The following RASGRF2 variants were observed in gnomAD, a reference collection of about 807,000 sequenced individuals.
RASGRF2 encodes Ras protein specific guanine nucleotide releasing factor 2.
RASGRF2 carries 76 observed loss-of-function variants against 151.0 expected under a neutral mutation model. The observed-to-expected ratio is 0.50, with a 90% CI of 0.42 to 0.61. The LOEUF (loss-of-function observed/expected upper bound fraction) is 0.61. RASGRF2 is among the 20% of genes least tolerant of loss of function. The pLI is 0.00. For synonymous variants in RASGRF2, 504 were observed against 566.5 expected (o/e 0.89, Z 1.57); for missense variants, 1,148 against 1,564.6 (o/e 0.73, Z 4.49).
At chr5:81,158,365 T>C (rs955498727) in intron 17 of RASGRF2, among the ~76,000 whole-genome samples, 1 of 152,030 alleles carries the variant, frequency 6.6e-6, no homozygotes, top group Non-Finnish European at 1.5e-5. Context: ...ATAAGAAACA[T>C]AGGAGAAATT....
chr5:80,971,798 G>A (rs1018805944), intron 1 of RASGRF2, among the ~76,000 whole-genome samples: 7 of 151,978 alleles, frequency 4.6e-5, no homozygotes, highest in African/African-American at 1.7e-4. Flanking sequence ...TCAACCGCCT[G>A]GGCTCAAGCA....
chr5:81,001,696 C>A (rs151121048), intron 1 of RASGRF2, among the ~76,000 whole-genome samples: 1 of 152,188 alleles, frequency 6.6e-6, no homozygotes, highest in Non-Finnish European at 1.5e-5. Flanking sequence ...CCAGAGCAAC[C>A]TTTTCGAGAC....
At chr5:81,120,183 A>T (rs1753267774) in intron 15 of RASGRF2, among the ~76,000 whole-genome samples, 1 of 152,134 alleles carries the variant, frequency 6.6e-6, no homozygotes, top group African/African-American at 2.4e-5. Context: ...CCCTTTCTAT[A>T]GCTGTCCTCT....
chr5:81,059,631 G>C (rs1434134641), intron 2 of RASGRF2, among the ~76,000 whole-genome samples: 1 of 151,942 alleles, frequency 6.6e-6, no homozygotes, highest in Non-Finnish European at 1.5e-5. Flanking sequence ...TGAATCACGA[G>C]GTCATGAGTT....
chr5:81,011,980 T>C (rs774835281), intron 1 of RASGRF2, among the ~76,000 whole-genome samples: 2 of 152,204 alleles, frequency 1.3e-5, no homozygotes, highest in Non-Finnish European at 2.9e-5. Context: ...ATGCAGAAGC[T>C]CTACAACGTT....
At chr5:81,059,219 TA>T (rs1446808331) in intron 2 of RASGRF2, among the ~76,000 whole-genome samples, 3 of 150,994 alleles carry the variant, frequency 2.0e-5, no homozygotes, top group Non-Finnish European at 3.0e-5. Context: ...CCCTCTCTAC[TA>T]AAAAATACAA....
intron 18 of RASGRF2, among the ~76,000 whole-genome samples, chr5:81,193,650 G>C (rs554882793): frequency 6.6e-6 from 1 of 152,150 alleles, no homozygotes; most frequent in East Asian, 1.9e-4. Flanking sequence ...TGCGTAGCTG[G>C]GATTACAGGC....
chr5:81,166,660 TG>T (rs35285018), intron 17 of RASGRF2, among the ~76,000 whole-genome samples: 97,520 of 151,338 alleles, frequency 0.64, 32,227 homozygotes, highest in East Asian at 0.79. Flanking sequence ...AGGGGAAGGA[TG>T]GGGGAGGGAC....
At chr5:80,961,945 C>A (rs1747573423) in intron 1 of RASGRF2, among the ~76,000 whole-genome samples, 1 of 152,180 alleles carries the variant, frequency 6.6e-6, no homozygotes, top group Non-Finnish European at 1.5e-5. Context: ...TCTCAATCCC[C>A]ACCTTGATAT....
chr5:81,141,581 T>G (rs1454930886), intron 17 of RASGRF2, among the ~76,000 whole-genome samples: 1 of 152,212 alleles, frequency 6.6e-6, no homozygotes, highest in Admixed American at 6.5e-5. Flanking sequence ...CATATTAACT[T>G]CAAAAACAGC....
chr5:81,043,462 G>A (rs1350517965), intron 2 of RASGRF2, among the ~76,000 whole-genome samples: 1 of 152,158 alleles, frequency 6.6e-6, no homozygotes, highest in African/African-American at 2.4e-5. Flanking sequence ...GTGCACCTCG[G>A]TTATCAAAAG....
chr5:81,096,517 G>A (rs1580309517), intron 12 of RASGRF2: 1 of 152,216 alleles, frequency 6.6e-6, no homozygotes, highest in Non-Finnish European at 1.5e-5. Flanking sequence ...TTGTGTGCGT[G>A]TTGTGAAGCC....
At chr5:81,059,082 C>T (rs1447997188) in intron 2 of RASGRF2, among the ~76,000 whole-genome samples, 1 of 152,046 alleles carries the variant, frequency 6.6e-6, no homozygotes, top group African/African-American at 2.4e-5. Context: ...CAGTGGGATC[C>T]CGTTAAAAAC....
At chr5:81,194,334 G>C (rs1580395732) in intron 18 of RASGRF2, among the ~76,000 whole-genome samples, 1 of 151,934 alleles carries the variant, frequency 6.6e-6, no homozygotes, top group Non-Finnish European at 1.5e-5. Flanking sequence ...TCCAGCCTGG[G>C]TGACAGAGTG....
At chr5:81,105,945 A>G (rs1027114141) in intron 12 of RASGRF2, among the ~76,000 whole-genome samples, 1 of 152,224 alleles carries the variant, frequency 6.6e-6, no homozygotes, top group Non-Finnish European at 1.5e-5. Flanking sequence ...TCTTCTCTTT[A>G]TCCTCATTTC....
chr5:81,032,185 A>G (rs1172883777), intron 1 of RASGRF2, among the ~76,000 whole-genome samples: 7 of 152,212 alleles, frequency 4.6e-5, no homozygotes, highest in African/African-American at 1.4e-4. Context: ...AAAGTCCAGG[A>G]CCAGACAGAT....
chr5:81,095,094 C>A, intron 12 of RASGRF2, 102 bp downstream of exon 12: 1 of 875,646 alleles, frequency 1.1e-6, no homozygotes, highest in Non-Finnish European at 1.5e-6. Context: ...AAAAATTACA[C>A]TCAGTTGCTA....
Position 81,201,413 on chromosome 5 carries a change from A to G in RASGRF2, c.2877A>G (p.Gln959=). The G allele has an allele frequency of 2.5e-6, 4 of 1,614,014 alleles. No individual in the cohort carries two copies. The highest frequency in any genetic ancestry group is 3.4e-6 in the Non-Finnish European group (4 of 1,179,956). The stretch of plus-strand genomic sequence containing the variant: ...TGCGAGACCCAGACCTTCTTCCCCA[A>G]GAAAGGAAAGCCGCCGCGAATATCC... ...EVLRDPDLLP[Q]ERKAAANILR... The change falls in exon 19 of 27, where the codon CAA becomes CAG. Residue 959 remains glutamine, a synonymous_variant. Transcript: ENST00000265080.
At chr5:81,203,596 C>T (rs1454047577) in intron 19 of RASGRF2, among the ~76,000 whole-genome samples, 1 of 152,212 alleles carries the variant, frequency 6.6e-6, no homozygotes, top group East Asian at 1.9e-4. Flanking sequence ...GGCAGTAGAG[C>T]TTGAAACTAC....
Sources: allele counts gnomAD v4.1 joint callset (sites outside exome capture counted in the v4.1 genomes callset), GRCh38; gene constraint gnomAD v4.1.1; transcripts MANE v1.5; gene names NCBI Gene and HGNC (gene_info 2026-07-23, HGNC 2026-07-21).